PRKN: variants seen among roughly 807,000 people sequenced by gnomAD.
The protein encoded by PRKN is E3 ubiquitin-protein ligase parkin.
In PRKN, 56 loss-of-function variants were observed where a neutral mutation model predicts 59.5. That is an observed-to-expected ratio of 0.94 (90% confidence interval 0.76 to 1.18). The LOEUF (loss-of-function observed/expected upper bound fraction) is 1.18, where lower values mean the gene tolerates loss of function less well. Ranked by LOEUF, PRKN falls within the 50% of genes most tolerant of loss-of-function variation. The pLI is 0.00. For synonymous variants in PRKN, 250 were observed against 222.1 expected, an observed-to-expected ratio of 1.13 and a Z score of -1.12; for missense variants, 657 against 596.4, an observed-to-expected ratio of 1.10 and a Z score of -1.06.
chr6:162,705,753 G>A (rs1266659923), intron 1 of PRKN, among the ~76,000 whole-genome samples: 2 of 152,162 alleles, frequency 1.3e-5, no homozygotes, highest in Non-Finnish European at 2.9e-5. Context: ...CCCCTATTCT[G>A]TAACCCTCAG....
At chr6:162,513,648 G>C (rs986379699) in intron 1 of PRKN, among the ~76,000 whole-genome samples, 3 of 152,046 alleles carry the variant, frequency 2.0e-5, no homozygotes, top group African/African-American at 4.8e-5. Context: ...GACTGGAGAA[G>C]GTAACTGGAC....
chr6:161,801,173 G>A (rs1428387560), intron 6 of PRKN, among the ~76,000 whole-genome samples: 14 of 152,190 alleles, frequency 9.2e-5, no homozygotes, highest in Non-Finnish European at 1.8e-4. Flanking sequence ...AGCCAGCGCT[G>A]CATAAGTTCC....
chr6:161,830,290 T>C (rs537635658), intron 6 of PRKN, among the ~76,000 whole-genome samples: 40 of 151,992 alleles, frequency 2.6e-4, no homozygotes, highest in Middle Eastern at 3.4e-3. Context: ...CTCGCTCTGT[T>C]GCCCAGGCTG....
chr6:161,986,609 G>A (rs1471104587), intron 5 of PRKN, among the ~76,000 whole-genome samples: 1 of 151,882 alleles, frequency 6.6e-6, no homozygotes, highest in Non-Finnish European at 1.5e-5. Flanking sequence ...AGCTGGAGGT[G>A]TAGTTCACTT....
chr6:162,009,647 C>T (rs1449584420), intron 5 of PRKN, among the ~76,000 whole-genome samples: 2 of 151,614 alleles, frequency 1.3e-5, no homozygotes, highest in Admixed American at 6.6e-5. Context: ...AATAAAAGTC[C>T]TCTCGCGGCT....
intron 7 of PRKN, among the ~76,000 whole-genome samples, chr6:161,695,697 A>T (rs1669253343): frequency 6.6e-6 from 1 of 152,196 alleles, no homozygotes; most frequent in Admixed American, 6.5e-5. Flanking sequence ...CTTTCCATAG[A>T]AGCGGCTGCT....
intron 7 of PRKN, among the ~76,000 whole-genome samples, chr6:161,731,737 A>T (rs1167471355): frequency 1.3e-5 from 2 of 152,210 alleles, no homozygotes; most frequent in Non-Finnish European, 2.9e-5. Flanking sequence ...AAGACAGAGA[A>T]ATGCAATTGG....
At chr6:162,110,568 A>G (rs537604555) in intron 4 of PRKN, among the ~76,000 whole-genome samples, 13 of 152,356 alleles carry the variant, frequency 8.5e-5, no homozygotes, top group African/African-American at 2.9e-4. Context: ...CACAAATGCA[A>G]TTATTTATTT....
chr6:162,533,335 C>T (rs1427808941), intron 1 of PRKN, among the ~76,000 whole-genome samples: 1 of 152,048 alleles, frequency 6.6e-6, no homozygotes, highest in Non-Finnish European at 1.5e-5. Context: ...ACCAGCATGG[C>T]TGACATAGTG....
chr6:162,172,061 G>C (rs1339487628), intron 4 of PRKN, among the ~76,000 whole-genome samples: 2 of 152,280 alleles, frequency 1.3e-5, no homozygotes, highest in Non-Finnish European at 2.9e-5. Flanking sequence ...CTGTTTTATA[G>C]CTGAGGATAT....
rs552087567 is a variant in PRKN at position 161,454,868 on chromosome 6, C to T, written c.1084-67991G>A. Among the ~76,000 whole-genome samples the T allele has an allele frequency of 1.3e-5, 2 of 152,272 alleles. No homozygotes were observed. The highest frequency in any genetic ancestry group is 4.1e-4 in the South Asian group (2 of 4,828). On this transcript the variant is annotated intron_variant, in intron 9 of 11. Coordinates refer to ENST00000366898, the MANE Select transcript of PRKN (RefSeq NM_004562.3). The surrounding 1 kb of genome is among the most constrained non-coding windows in gnomAD (Gnocchi z 4.6). ...TCTAGCCTGTCTAAAGTCATCCTTC[C>T]ACTCCCCCAGTTGTCTCAGTTTCTC...
At chr6:162,124,137 T>G (rs1378706888) in intron 4 of PRKN, among the ~76,000 whole-genome samples, 1 of 152,166 alleles carries the variant, frequency 6.6e-6, no homozygotes, top group East Asian at 1.9e-4. Flanking sequence ...CATGCCATTT[T>G]GATGATCCAA....
At chr6:162,124,806 C>T (rs570833887) in intron 4 of PRKN, among the ~76,000 whole-genome samples, 2 of 152,184 alleles carry the variant, frequency 1.3e-5, no homozygotes, top group South Asian at 2.1e-4. Flanking sequence ...AAAAGGCAGA[C>T]GCCAAGAAGT....
intron 1 of PRKN, chr6:162,643,872 CTTA>C (rs1478750740): frequency 1.3e-5 from 2 of 152,138 alleles, no homozygotes; most frequent in Middle Eastern, 3.2e-3. Flanking sequence ...AATTATTCAA[CTTA>C]TTATTACCTT....
intron 7 of PRKN, among the ~76,000 whole-genome samples, chr6:161,737,589 T>C (rs2982902): frequency 0.16 from 23,892 of 152,212 alleles, 2,362 homozygotes; most frequent in Middle Eastern, 0.26. Flanking sequence ...AATAAAACCT[T>C]ACACTAACCC....
At chr6:161,988,556 A>T (rs1052990831) in intron 5 of PRKN, among the ~76,000 whole-genome samples, 1 of 152,008 alleles carries the variant, frequency 6.6e-6, no homozygotes, top group African/African-American at 2.4e-5. Context: ...TAACTAGGAC[A>T]CAATAAAGTG....
chr6:162,455,643 T>A (rs182978104), intron 1 of PRKN, among the ~76,000 whole-genome samples: 62 of 152,274 alleles, frequency 4.1e-4, no homozygotes, highest in African/African-American at 1.4e-3. Context: ...GGGGGCCCAT[T>A]TTTTTCTGAA....
At chr6:161,477,452 GT>G (rs1791152603) in intron 9 of PRKN, among the ~76,000 whole-genome samples, 1 of 147,766 alleles carries the variant, frequency 6.8e-6, no homozygotes, top group Non-Finnish European at 1.5e-5. Context: ...GGAGGCAGAG[GT>G]TGTGGTGAGC....
chr6:162,339,944 C>G (rs959203681), intron 2 of PRKN, among the ~76,000 whole-genome samples: 1 of 148,520 alleles, frequency 6.7e-6, no homozygotes, highest in African/African-American at 2.5e-5. Flanking sequence ...AGGCAGCATG[C>G]TCGTTAAGAG....
Sources: allele counts gnomAD v4.1 joint callset (sites outside exome capture counted in the v4.1 genomes callset), GRCh38; gene constraint gnomAD v4.1.1; non-coding constraint Gnocchi (gnomAD v3.1); transcripts MANE v1.5; gene names NCBI Gene and HGNC (gene_info 2026-07-23, HGNC 2026-07-21).